Variants in OR9Q1 observed in about 807,000 individuals in gnomAD.
OR9Q1 encodes the protein olfactory receptor family 9 subfamily Q member 1.
For synonymous variants in OR9Q1, 153 were observed against 148.6 expected (o/e 1.03, Z -0.22); for missense variants, 374 against 378.8 (o/e 0.99, Z 0.11).
intron 1 of OR9Q1, among the ~76,000 whole-genome samples, chr11:58,053,407 A>T (rs371410594): frequency 8.0e-6 from 1 of 125,588 alleles, no homozygotes; most frequent in African/African-American, 3.0e-5. Flanking sequence ...ATGAGAACAC[A>T]TGGACACAGG....
At position 58,175,668 on chromosome 11, in the gene OR9Q1, T is replaced by TG. The variant is rs201338163; in HGVS notation, c.-14-3761dup. The stretch of plus-strand genomic sequence containing the variant: ...GCATGTTCCTCATAGGTAGGCATTG[T>TG]GGTTTTTTTTTGTTTCATTTCACAT... On this transcript the variant is annotated intron_variant, in intron 2 of 2. Transcript: ENST00000335397. Among the ~76,000 whole-genome samples, 7 of 152,172 alleles carry TG rather than the reference T, an allele frequency of 4.6e-5. No individual in the cohort carries two copies. In the East Asian group the frequency reaches 1.2e-3, roughly 25 times the overall value.
At chr11:58,160,796 C>G (rs996545595) in intron 2 of OR9Q1, among the ~76,000 whole-genome samples, 1 of 152,134 alleles carries the variant, frequency 6.6e-6, no homozygotes, top group Admixed American at 6.5e-5. Context: ...CTTGGTATCA[C>G]TGAAATGTAG....
chr11:58,112,685 A>G (rs1194357471), intron 2 of OR9Q1, among the ~76,000 whole-genome samples: 5 of 152,186 alleles, frequency 3.3e-5, no homozygotes, highest in African/African-American at 9.6e-5. Flanking sequence ...ATGAACGTCA[A>G]TGATTTTCTC....
intron 2 of OR9Q1, among the ~76,000 whole-genome samples, chr11:58,097,358 G>A (rs1468967323): frequency 6.6e-6 from 1 of 152,098 alleles, no homozygotes; most frequent in Non-Finnish European, 1.5e-5. Flanking sequence ...TATATACTAA[G>A]GAAAGGGAAT....
At chr11:58,067,041 T>C (rs1429016695) in intron 2 of OR9Q1, among the ~76,000 whole-genome samples, 1 of 151,810 alleles carries the variant, frequency 6.6e-6, no homozygotes, top group Admixed American at 6.6e-5. Flanking sequence ...AATTCTTTTT[T>C]TTTTTTTTGA....
intron 2 of OR9Q1, among the ~76,000 whole-genome samples, chr11:58,079,591 G>A (rs1463818328): frequency 6.6e-6 from 1 of 152,132 alleles, no homozygotes; most frequent in Non-Finnish European, 1.5e-5. Context: ...GAGTGTGGTG[G>A]AAGTGATGTC....
At chr11:58,124,170 C>T (rs576709091) in intron 2 of OR9Q1, among the ~76,000 whole-genome samples, 1 of 152,072 alleles carries the variant, frequency 6.6e-6, no homozygotes, top group Non-Finnish European at 1.5e-5. Flanking sequence ...GGGGTACCAT[C>T]AGCTTGGGTG....
At chr11:58,138,221 G>A (rs1360177154) in intron 2 of OR9Q1, among the ~76,000 whole-genome samples, 1 of 152,154 alleles carries the variant, frequency 6.6e-6, no homozygotes, top group Non-Finnish European at 1.5e-5. Flanking sequence ...TAGAGCAATT[G>A]TAGATGAAAT....
intron 2 of OR9Q1, among the ~76,000 whole-genome samples, chr11:58,177,745 T>C (rs1008222328): frequency 6.6e-6 from 1 of 152,254 alleles, no homozygotes; most frequent in African/African-American, 2.4e-5. Flanking sequence ...AAGTAATTCA[T>C]TGAACATGTG....
chr11:58,163,905 A>G (rs1020518034), intron 2 of OR9Q1, among the ~76,000 whole-genome samples: 3 of 152,204 alleles, frequency 2.0e-5, no homozygotes, highest in Non-Finnish European at 2.9e-5. Context: ...AACCATTCTT[A>G]GCGATGGCCC....
At chr11:58,158,858 G>A (rs769024438) in intron 2 of OR9Q1, among the ~76,000 whole-genome samples, 5 of 152,156 alleles carry the variant, frequency 3.3e-5, no homozygotes, top group Non-Finnish European at 7.4e-5. Flanking sequence ...AATTCTTCAG[G>A]CATAGAGAAA....
At chr11:58,148,605 C>T (rs1854321453) in intron 2 of OR9Q1, among the ~76,000 whole-genome samples, 1 of 152,108 alleles carries the variant, frequency 6.6e-6, no homozygotes, top group Non-Finnish European at 1.5e-5. Context: ...TTTTTGGTGG[C>T]TATGGGGCTA....
intron 2 of OR9Q1, among the ~76,000 whole-genome samples, chr11:58,153,924 G>C (rs1366290927): frequency 1.3e-5 from 2 of 152,138 alleles, no homozygotes; most frequent in African/African-American, 4.8e-5. Context: ...ACTCTGCTCT[G>C]TACAACCTAT....
chr11:58,127,083 A>G (rs1039749342), intron 2 of OR9Q1, among the ~76,000 whole-genome samples: 1 of 152,090 alleles, frequency 6.6e-6, no homozygotes, highest in African/African-American at 2.4e-5. Context: ...CCTAGTAGCT[A>G]GGACTACAGG....
At chr11:58,170,451 A>G (rs1257264329) in intron 2 of OR9Q1, among the ~76,000 whole-genome samples, 1 of 152,154 alleles carries the variant, frequency 6.6e-6, no homozygotes, top group Non-Finnish European at 1.5e-5. Flanking sequence ...CAGGAATTCC[A>G]AAGAAATCCT....
chr11:58,035,963 A>G, intron 1 of OR9Q1, among the ~76,000 whole-genome samples: 1 of 141,806 alleles, frequency 7.1e-6, no homozygotes, highest in Admixed American at 6.9e-5. Flanking sequence ...TTTTTTTTAC[A>G]AATTGAAGAT....
At chr11:58,061,880 A>T (rs943414115) in intron 2 of OR9Q1, among the ~76,000 whole-genome samples, 1 of 152,352 alleles carries the variant, frequency 6.6e-6, no homozygotes, top group African/African-American at 2.4e-5. Context: ...GTTCACACCC[A>T]TTCAACAGAT....
At chr11:58,029,958 C>T (rs1853014301) in intron 1 of OR9Q1, among the ~76,000 whole-genome samples, 1 of 151,954 alleles carries the variant, frequency 6.6e-6, no homozygotes, top group Admixed American at 6.6e-5. Context: ...TCTCCTGCCT[C>T]AGCCTCTTGA....
intron 2 of OR9Q1, among the ~76,000 whole-genome samples, chr11:58,071,089 C>T (rs752619456): frequency 1.3e-5 from 2 of 152,274 alleles, no homozygotes; most frequent in Non-Finnish European, 2.9e-5. Flanking sequence ...GCTTTATATC[C>T]AGCAGCAATT....
Sources: gnomAD v4.1 joint callset for allele counts (sites outside exome capture counted in the v4.1 genomes callset) on GRCh38, gnomAD v4.1.1 for gene constraint, MANE v1.5 for transcripts, NCBI Gene and HGNC (gene_info 2026-07-23, HGNC 2026-07-21) for gene names.